CTNNA3: variants seen among roughly 807,000 people sequenced by gnomAD.
The protein encoded by CTNNA3 is catenin alpha 3.
CTNNA3 carries 76 observed loss-of-function variants against 95.7 expected under a neutral mutation model. That is an observed-to-expected ratio of 0.79 (90% CI 0.66 to 0.96). The LOEUF is 0.96. Among genes scored for constraint, CTNNA3 ranks in the 40% least tolerant of loss-of-function variants. CTNNA3 has a pLI of 0.00. For synonymous variants in CTNNA3, 431 were observed against 374.4 expected, an observed-to-expected ratio of 1.15 and a Z score of -1.74; for missense variants, 1,191 against 1,089.8, an observed-to-expected ratio of 1.09 and a Z score of -1.31.
In CTNNA3 at chr10:67,265,560, A is replaced by G. The variant is rs142751614; in HGVS notation, c.580-45690T>C. ...GGTTTGGGGTTTAAAGTCTGTTTCTATGGGGTACAAAATGCCCACACACAC... is the reference window on the plus strand; with the variant it reads ...GGTTTGGGGTTTAAAGTCTGTTTCTGTGGGGTACAAAATGCCCACACACAC... On this transcript the variant is annotated intron_variant, in intron 5 of 17. Transcript: ENST00000433211. 2.4e-4 allele frequency among the ~76,000 whole-genome samples: 36 copies of G among 152,194 alleles called. 1 individual carries two copies. The highest frequency in any genetic ancestry group is 8.7e-4 in the African/African-American group (36 of 41,548).
chr10:66,248,677 A>C (rs950336480), intron 13 of CTNNA3, among the ~76,000 whole-genome samples: 1 of 152,200 alleles, frequency 6.6e-6, no homozygotes, highest in Admixed American at 6.5e-5. Context: ...TAAAGAGGTC[A>C]ATTCAGCAAG....
rs535109535 is a variant in CTNNA3, at chr10:66,190,690, C to T, written c.1885-87441G>A. Reference sequence around the variant, plus strand: ...TCGTTTGTAGCATTCTACCTCTCCTCATCTTTCTACGTCTTCTCATCCTGT... The same window carrying T: ...TCGTTTGTAGCATTCTACCTCTCCTTATCTTTCTACGTCTTCTCATCCTGT... On this transcript the variant is annotated intron_variant, in intron 13 of 17. Transcript: ENST00000433211. Among the ~76,000 whole-genome samples, 10 of 152,214 alleles carry T rather than the reference C, an allele frequency of 6.6e-5. No individual in the cohort carries two copies. In the South Asian group the frequency reaches 2.1e-3, roughly 32 times the overall value.
chr10:66,504,534 A>G (rs946675518), intron 11 of CTNNA3, among the ~76,000 whole-genome samples: 2 of 152,168 alleles, frequency 1.3e-5, no homozygotes, highest in African/African-American at 4.8e-5. Flanking sequence ...CTCTAGCTGA[A>G]ATCTTTGTTC....
intron 13 of CTNNA3, among the ~76,000 whole-genome samples, chr10:66,151,276 T>C (rs1166079931): frequency 6.6e-6 from 1 of 151,920 alleles, no homozygotes; most frequent in Admixed American, 6.6e-5. Flanking sequence ...GGAAGTGTGA[T>C]AGGAGGGCTG....
chr10:66,488,453 T>C (rs1057102596), intron 11 of CTNNA3, among the ~76,000 whole-genome samples: 3 of 152,122 alleles, frequency 2.0e-5, no homozygotes, highest in African/African-American at 7.2e-5. Flanking sequence ...ATTTCACCAA[T>C]GAAAACCCAC....
At chr10:66,657,543 G>A (rs1444271573) in intron 9 of CTNNA3, among the ~76,000 whole-genome samples, 3 of 152,058 alleles carry the variant, frequency 2.0e-5, no homozygotes, top group Non-Finnish European at 4.4e-5. Context: ...CTTTATTTCA[G>A]GCACTTCTCT....
chr10:66,409,403 A>AG (rs67683448), intron 11 of CTNNA3, among the ~76,000 whole-genome samples: 24,593 of 111,136 alleles, frequency 0.22, 2,432 homozygotes, highest in South Asian at 0.33. Flanking sequence ...AACTGTTCCC[A>AG]AAAAAAAAAA....
intron 13 of CTNNA3, among the ~76,000 whole-genome samples, chr10:66,126,994 C>T (rs1024532099): frequency 2.0e-5 from 3 of 151,876 alleles, no homozygotes; most frequent in African/African-American, 4.8e-5. Context: ...AATGGCCGGG[C>T]GCGGTGGCTC....
At chr10:66,303,855 A>T (rs1216959394) in intron 12 of CTNNA3, among the ~76,000 whole-genome samples, 1 of 152,106 alleles carries the variant, frequency 6.6e-6, no homozygotes, top group East Asian at 1.9e-4. Flanking sequence ...GGCCTCCCAA[A>T]GTGCTGGGAT....
chr10:67,416,623 A>AAAAAAAAAC (rs1845557327), intron 5 of CTNNA3, among the ~76,000 whole-genome samples: 2 of 150,362 alleles, frequency 1.3e-5, no homozygotes, highest in African/African-American at 4.9e-5. Context: ...AAAAAAAAAA[A>AAAAAAAAAC]AAAAAAAACA....
chr10:66,931,793 G>C (rs1564775622), intron 7 of CTNNA3, among the ~76,000 whole-genome samples: 1 of 152,134 alleles, frequency 6.6e-6, no homozygotes, highest in Admixed American at 6.6e-5. Context: ...CTAGAAATAA[G>C]TGTCCAAGAT....
intron 7 of CTNNA3, among the ~76,000 whole-genome samples, chr10:66,795,491 GC>G (rs1465254221): frequency 6.6e-6 from 1 of 152,068 alleles, no homozygotes; most frequent in East Asian, 1.9e-4. Flanking sequence ...TGTCATCTAG[GC>G]TTTGTTGTTC....
intron 13 of CTNNA3, among the ~76,000 whole-genome samples, chr10:66,229,973 T>C (rs10822759): frequency 0.36 from 54,669 of 151,692 alleles, 10,210 homozygotes; most frequent in East Asian, 0.46. Context: ...TCTATTCACC[T>C]TCAGAAATTT....
chr10:66,119,540 C>T (rs2082484010), intron 13 of CTNNA3, among the ~76,000 whole-genome samples: 1 of 152,086 alleles, frequency 6.6e-6, no homozygotes, highest in African/African-American at 2.4e-5. Flanking sequence ...GCTGTTTTAT[C>T]ACTTTTTGAT....
intron 17 of CTNNA3, among the ~76,000 whole-genome samples, chr10:65,935,320 T>C (rs957350689): frequency 6.6e-5 from 10 of 152,168 alleles, no homozygotes; most frequent in African/African-American, 2.4e-4. Flanking sequence ...TCTGCCAATG[T>C]CATGGAGATA....
chr10:67,377,257 C>T (rs1843727044), intron 5 of CTNNA3, among the ~76,000 whole-genome samples: 1 of 152,030 alleles, frequency 6.6e-6, no homozygotes. Flanking sequence ...ACCTTCTGTA[C>T]TAGAAAGTAG....
At chr10:67,354,089 T>C (rs1413503803) in intron 5 of CTNNA3, among the ~76,000 whole-genome samples, 1 of 152,026 alleles carries the variant, frequency 6.6e-6, no homozygotes, top group Non-Finnish European at 1.5e-5. Context: ...AAAACAAACA[T>C]TTCTCATTAC....
intron 12 of CTNNA3, among the ~76,000 whole-genome samples, chr10:66,353,178 TC>T (rs1364572711): frequency 6.6e-6 from 1 of 152,086 alleles, no homozygotes. Context: ...CATTAAAAAT[TC>T]CTCAGTAAAG....
intron 7 of CTNNA3, among the ~76,000 whole-genome samples, chr10:66,797,214 A>T (rs1309001339): frequency 6.6e-6 from 1 of 151,904 alleles, no homozygotes; most frequent in Non-Finnish European, 1.5e-5. Context: ...TCTACTACAG[A>T]GAGTACATAT....
Sources: gnomAD v4.1 joint callset for allele counts (sites outside exome capture counted in the v4.1 genomes callset) on GRCh38, gnomAD v4.1.1 for gene constraint, MANE v1.5 for transcripts, NCBI Gene and HGNC (gene_info 2026-07-23, HGNC 2026-07-21) for gene names.